Variants in STAP1 observed in about 807,000 individuals in gnomAD.
STAP1 encodes signal-transducing adaptor protein 1.
A neutral mutation model predicts 37.8 loss-of-function variants in STAP1; 30 were observed. That is an observed-to-expected ratio of 0.79 (90% confidence interval 0.59 to 1.08). The LOEUF (loss-of-function observed/expected upper bound fraction) is 1.08. STAP1 is among the 50% of genes least tolerant of loss of function. The pLI, the probability that STAP1 is intolerant of heterozygous loss-of-function variation, is 0.00. For synonymous variants in STAP1, 130 were observed against 116.0 expected, an observed-to-expected ratio of 1.12 and a Z score of -0.78; for missense variants, 357 against 349.4, an observed-to-expected ratio of 1.02 and a Z score of -0.17.
intron 8 of STAP1, among the ~76,000 whole-genome samples, chr4:67,597,582 C>T (rs951601279): frequency 3.9e-5 from 6 of 152,300 alleles, no homozygotes; most frequent in African/African-American, 7.2e-5. Context: ...TGAAAGCAGC[C>T]GCAGGGGATG....
Position 67,575,392 on chromosome 4 carries a change from A to T in STAP1, c.200A>T (p.Asp67Val), listed in dbSNP as rs756270537. The T allele has an allele frequency of 6.3e-7, 1 of 1,585,114 alleles. No individual in the cohort carries two copies. The highest frequency in any genetic ancestry group is 8.5e-7 in the Non-Finnish European group (1 of 1,170,770). Residue 67 changes from aspartate to valine, a missense_variant, in exon 3 of 9, where the codon GAC becomes GTC. Transcript: ENST00000265404. ...YTDKKSIIYV[D>V]KLDIVDLTCL... is the part of the protein sequence containing the mutation. ...CTTCCTTTATCTTTGCAGTATGTTG[A>T]CAAATTAGACATAGTAGACCTCACA...
chr4:67,580,268 C>T (rs1727821543), intron 4 of STAP1, among the ~76,000 whole-genome samples: 1 of 152,052 alleles, frequency 6.6e-6, no homozygotes. Flanking sequence ...GTATTTTCCC[C>T]CATTATTTCA....
At chr4:67,586,069 T>C (rs1393513821) in intron 6 of STAP1, among the ~76,000 whole-genome samples, 1 of 152,196 alleles carries the variant, frequency 6.6e-6, no homozygotes, top group Non-Finnish European at 1.5e-5. Flanking sequence ...ATTCCTTTCT[T>C]GGTCAGATTG....
rs373275953 is a variant in STAP1 at position 67,606,301 on chromosome 4, G to T, written c.832G>T (p.Glu278Ter). The T allele has an allele frequency of 6.2e-7, 1 of 1,610,400 alleles. No homozygotes were observed. Among genetic ancestry groups the T allele is most frequent in the East Asian group, 2.2e-5 (1 of 44,652 alleles). Residue 278 changes from glutamate to a stop codon, truncating the protein, a stop_gained, in exon 9 of 9, where the codon GAA becomes TAA. Coordinates refer to ENST00000265404, the MANE Select transcript of STAP1 (RefSeq NM_012108.4). LOFTEE classifies it high-confidence loss of function. Reference protein sequence around the residue: ...ICSTDENTGQEPSMEGRSEKL... With the variant: ...ICSTDENTGQ ...TTTCTACCCACAATTTCTAGGTCAA[G>T]AACCCAGTATGGAAGGGAGAAGTGA...
At chr4:67,599,847 G>A (rs988097258) in intron 8 of STAP1, among the ~76,000 whole-genome samples, 1 of 151,832 alleles carries the variant, frequency 6.6e-6, no homozygotes. Context: ...TCACCATGTT[G>A]GCCAGGCTGG....
intron 1 of STAP1, among the ~76,000 whole-genome samples, chr4:67,567,720 G>A (rs1174099397): frequency 6.6e-6 from 1 of 152,116 alleles, no homozygotes; most frequent in African/African-American, 2.4e-5. Flanking sequence ...TAATCCTTCT[G>A]CCAGCATGTG....
At position 67,598,445 on chromosome 4, in the gene STAP1, T is replaced by C. The variant is rs190419735; in HGVS notation, c.826+5089T>C. 2.7e-3 allele frequency among the ~76,000 whole-genome samples: 411 copies of C among 152,322 alleles called. 3 individuals are homozygous for C. Among genetic ancestry groups the C allele is most frequent in the African/African-American group, 9.0e-3 (376 of 41,586 alleles). Reference sequence around the variant, plus strand: ...CTCTATATCCTTGCCAGCTTGGTTATTGCCTGTCTTTTGAATATAAGCCAT... The same window carrying C: ...CTCTATATCCTTGCCAGCTTGGTTACTGCCTGTCTTTTGAATATAAGCCAT... On this transcript the variant is annotated intron_variant, in intron 8 of 8. Transcript: ENST00000265404.
chr4:67,584,098 G>GAAAAA (rs60099631), intron 6 of STAP1, among the ~76,000 whole-genome samples: 1 of 94,418 alleles, frequency 1.1e-5, no homozygotes, highest in South Asian at 3.0e-4. Context: ...ACTCGGTCTC[G>GAAAAA]AAAAAAAAAA....
chr4:67,593,050 T>A (rs1391012404), intron 7 of STAP1, among the ~76,000 whole-genome samples: 2 of 152,162 alleles, frequency 1.3e-5, no homozygotes, highest in Non-Finnish European at 2.9e-5. Flanking sequence ...TTGTATTCAA[T>A]GGGAAAGGTG....
intron 8 of STAP1, among the ~76,000 whole-genome samples, chr4:67,598,039 C>A (rs1480369532): frequency 6.6e-6 from 1 of 152,034 alleles, no homozygotes; most frequent in Non-Finnish European, 1.5e-5. Context: ...GGCTCTGTGT[C>A]CTCACCCAAA....
chr4:67,602,042 T>C (rs950654386), intron 8 of STAP1, among the ~76,000 whole-genome samples: 5 of 151,912 alleles, frequency 3.3e-5, no homozygotes, highest in South Asian at 2.1e-4. Flanking sequence ...TTTTATTCTT[T>C]CTTCTTTTGT....
intron 7 of STAP1, 132 bp downstream of exon 7, chr4:67,591,085 G>A: frequency 2.1e-6 from 1 of 468,890 alleles, no homozygotes; most frequent in Non-Finnish European, 3.7e-6. Flanking sequence ...TGAGATTCAG[G>A]AACAGGTGGT....
chr4:67,583,925 C>T (rs1287019260), intron 6 of STAP1, among the ~76,000 whole-genome samples: 2 of 151,910 alleles, frequency 1.3e-5, no homozygotes, highest in South Asian at 2.1e-4. Context: ...GGTGAAACCC[C>T]GTCTTTACTA....
intron 4 of STAP1, 143 bp from the exon 5 acceptor site, chr4:67,581,162 T>G: frequency 1.4e-6 from 1 of 726,448 alleles, no homozygotes; most frequent in Non-Finnish European, 2.1e-6. Flanking sequence ...ACTAAAATCC[T>G]CTGTTTCTTA....
rs2109860811 is a variant in STAP1, at chr4:67,575,446, A to G, written c.254A>G (p.Lys85Arg). The change falls in exon 3 of 9, where the codon AAG becomes AGG. Residue 85 changes from lysine (K) to arginine (R), a missense_variant. By Grantham distance (26) the Lys-to-Arg change is conservative. Transcript: ENST00000265404. ...CTTACTGAGCAGAATTCAACTGAAA[A>G]GAACTGTGCGAAATTCACCCTTGTT... Reference protein sequence around the residue: ...TCLTEQNSTEKNCAKFTLVLP... With the variant: ...TCLTEQNSTERNCAKFTLVLP... 6.2e-7 allele frequency: 1 copy of G among 1,607,980 alleles called. No homozygotes were observed. The highest frequency in any genetic ancestry group is 8.5e-7 in the Non-Finnish European group (1 of 1,178,148).
chr4:67,579,305 T>C (rs1463740461), intron 4 of STAP1, among the ~76,000 whole-genome samples: 1 of 152,196 alleles, frequency 6.6e-6, no homozygotes, highest in East Asian at 1.9e-4. Context: ...GCTCAGACTG[T>C]ATGTAGTTGA....
chr4:67,575,302 G>C (rs973772497), intron 2 of STAP1, 83 bp from the exon 3 acceptor site: 9 of 828,368 alleles, frequency 1.1e-5, no homozygotes, highest in Non-Finnish European at 1.7e-5. Flanking sequence ...TTGAAAGGAA[G>C]ATATTACTTA....
rs1727426662 is a variant in STAP1 at position 67,564,718 on chromosome 4, G to A, written c.120+5789G>A. Among the ~76,000 whole-genome samples, 3 of 152,088 alleles carry A rather than the reference G, an allele frequency of 2.0e-5. No homozygotes were observed. The South Asian group carries it at 6.2e-4, about 32-fold the overall frequency. ...ACTTGAGGTCAGGAGTTCGAGACCA[G>A]CCTGGCCAACATGGTGAAACCCTGC... On this transcript the variant is annotated intron_variant, in intron 1 of 8. Coordinates refer to ENST00000265404, the MANE Select transcript of STAP1 (RefSeq NM_012108.4).
intron 8 of STAP1, among the ~76,000 whole-genome samples, chr4:67,594,508 C>T (rs1465156412): frequency 6.6e-6 from 1 of 151,522 alleles, no homozygotes; most frequent in Non-Finnish European, 1.5e-5. Context: ...ATTTTTGAAG[C>T]AGCACAGTTC....
Sources: allele counts gnomAD v4.1 joint callset (sites outside exome capture counted in the v4.1 genomes callset), GRCh38; gene constraint gnomAD v4.1.1; transcripts MANE v1.5; gene names NCBI Gene and HGNC (gene_info 2026-07-23, HGNC 2026-07-21).